Variants in RNF123 observed in about 807,000 individuals in gnomAD.
The protein encoded by RNF123 is ring finger protein 123, also known as E3 ubiquitin-protein ligase RNF123.
Under a neutral mutation model 168.5 loss-of-function variants are expected in RNF123, and 86 were observed. The ratio of observed to expected loss-of-function variants is 0.51; its 90% CI spans 0.43 to 0.61. The LOEUF (loss-of-function observed/expected upper bound fraction) is 0.61. Ranked by LOEUF, RNF123 falls within the 20% of genes least tolerant of loss-of-function variation. The pLI is 0.00. For synonymous variants in RNF123, 666 were observed against 689.1 expected (o/e 0.97, Z 0.52); for missense variants, 1,419 against 1,729.7 (o/e 0.82, Z 3.19).
At chr3:49,719,803 G>T in intron 35 of RNF123, 1 of 267,532 alleles carries the variant, frequency 3.7e-6, no homozygotes, top group Non-Finnish European at 7.6e-6. Flanking sequence ...GGCCCCGCAT[G>T]ACCGCCAGAT....
Position 49,704,685 on chromosome 3 carries a change from C to A in RNF123, c.1888C>A (p.Pro630Thr), listed in dbSNP as rs764329248. Residue 630 changes from proline (P) to threonine (T), a missense_variant, in exon 22 of 39, where the codon CCA becomes ACA. Pro to Thr is a conservative substitution (Grantham distance 38, BLOSUM62 -1). This residue lies in a region of RNF123 where 538 missense variants were observed against 708.8 expected (regional missense o/e 0.76). Coordinates refer to ENST00000327697, the MANE Select transcript of RNF123 (RefSeq NM_022064.5). ...LASKANIVID[P>T]LELQSTAMDD... ...TTCCAAAGCCAACATTGTGATCGAC[C>A]CACTGGAGCTCCAGTCAACCGCCAT... The A allele has an allele frequency of 1.2e-6, 2 of 1,609,256 alleles. No homozygotes were observed. The highest frequency in any genetic ancestry group is 1.7e-5 in the Admixed American group (1 of 59,252).
chr3:49,719,097 C>A (rs1407588207), intron 35 of RNF123: 7 of 1,613,542 alleles, frequency 4.3e-6, no homozygotes, highest in Non-Finnish European at 5.9e-6. Flanking sequence ...GGCGGCCAAG[C>A]GCCCGCAACG....
In RNF123 at chr3:49,700,986, G is replaced by T. The variant is rs562741171; in HGVS notation, c.1277+277G>T. On this transcript the variant is annotated intron_variant, in intron 15 of 38. Coordinates refer to ENST00000327697, the MANE Select transcript of RNF123 (RefSeq NM_022064.5). ...GCCTGCCCTCTTCGGCCACAGCCCA[G>T]CACTTTTGTTCATGTTCCACAGTGG... Among the ~76,000 whole-genome samples, 4 of 152,278 alleles carry T rather than the reference G, an allele frequency of 2.6e-5. No individual in the cohort carries two copies. The South Asian group carries it at 8.3e-4, about 31-fold the overall frequency.
rs2054401261 is a variant in RNF123 at position 49,701,836 on chromosome 3, A to C, written c.1421A>C (p.Glu474Ala). 1 of 1,573,866 alleles carries C rather than the reference A, an allele frequency of 6.4e-7. No individual in the cohort carries two copies. Among genetic ancestry groups the C allele is most frequent in the Non-Finnish European group, 8.6e-7 (1 of 1,159,976 alleles). The part of the protein sequence containing the change: ...REGKESTEMK[E>A]ETAEERLRRR... Reference sequence around the variant, plus strand: ...GGCAAAGAGAGCACGGAGATGAAGGAGGAGACCGCAGAGGAGCGGCTGCGG... The same window carrying C: ...GGCAAAGAGAGCACGGAGATGAAGGCGGAGACCGCAGAGGAGCGGCTGCGG... Residue 474 changes from glutamate to alanine, a missense_variant, in exon 17 of 39, where the codon GAG (glutamate) becomes GCG (alanine). Coordinates refer to ENST00000327697, the MANE Select transcript of RNF123 (RefSeq NM_022064.5).
intron 35 of RNF123, 115 bp from the exon 36 acceptor site, chr3:49,720,396 G>A (rs554660694): frequency 9.4e-7 from 1 of 1,061,548 alleles, no homozygotes; most frequent in Admixed American, 3.0e-5. Flanking sequence ...GAGACGGAAA[G>A]GATGCAGGGG....
intron 3 of RNF123, among the ~76,000 whole-genome samples, chr3:49,692,430 C>T (rs935389049): frequency 6.6e-6 from 1 of 152,172 alleles, no homozygotes; most frequent in African/African-American, 2.4e-5. Flanking sequence ...GCGTAATAAT[C>T]ACATCATGGT....
In RNF123 at chr3:49,706,021, G is replaced by A; in HGVS notation, c.2344G>A (p.Ala782Thr). 3 of 1,614,166 alleles carry A rather than the reference G, an allele frequency of 1.9e-6. No homozygotes were observed. The highest frequency in any genetic ancestry group is 2.5e-6 in the Non-Finnish European group (3 of 1,180,026). ...VSDDVNEYAM[A>T]LRDTEDKLRR... is the part of the protein sequence containing the mutation. ...CGATGATGTCAATGAATACGCTATG[G>A]CTCTGAGGGACACAGAGGACAAGCT... The change falls in exon 25 of 39, where the codon GCT (alanine) becomes ACT (threonine). Residue 782 changes from alanine (A) to threonine (T), a missense_variant. By Grantham distance (58) the Ala-to-Thr change is moderately conservative (BLOSUM62 0). This residue lies in a region of RNF123 where 538 missense variants were observed against 708.8 expected (regional missense o/e 0.76). Coordinates refer to ENST00000327697, the MANE Select transcript of RNF123 (RefSeq NM_022064.5).
chr3:49,700,638 C>A lies in RNF123; in HGVS notation c.1206C>A (p.Ile402=). 6.2e-7 allele frequency: 1 copy of A among 1,614,212 alleles called. No individual in the cohort carries two copies. Among genetic ancestry groups the A allele is most frequent in the South Asian group, 1.1e-5 (1 of 91,082 alleles). The part of the protein sequence containing the change: ...SPIVPDLGLQ[I]HYLRLTIAIL... ...CTCTGAACGCCCCCTCTCCACAGAT[C>A]CATTACCTGCGGCTCACTATCGCCA... Residue 402 remains isoleucine, a splice_region_variant and synonymous_variant, in exon 15 of 39, where the codon ATC becomes ATA. Coordinates refer to ENST00000327697, the MANE Select transcript of RNF123 (RefSeq NM_022064.5).
chr3:49,702,449 C>G, intron 19 of RNF123, 44 bp downstream of exon 19: 1 of 1,606,256 alleles, frequency 6.2e-7, no homozygotes, highest in Non-Finnish European at 8.5e-7. Context: ...CCCGGCTGCA[C>G]TACACATGCC....
intron 26 of RNF123, among the ~76,000 whole-genome samples, chr3:49,709,462 G>A (rs142815730): frequency 0.022 from 3,282 of 152,090 alleles, 123 homozygotes; most frequent in African/African-American, 0.073. Context: ...CACCACGCCC[G>A]GCTAATTTTT....
In RNF123 at chr3:49,705,088, G is replaced by A. The variant is rs758398735; in HGVS notation, c.2064G>A (p.Ala688=). The A allele has an allele frequency of 6.2e-6, 10 of 1,611,804 alleles. No individual in the cohort carries two copies. Among genetic ancestry groups the A allele is most frequent in the East Asian group, 4.5e-5 (2 of 44,814 alleles). The change falls in exon 23 of 39, where the codon GCG becomes GCA. Residue 688 remains alanine, a synonymous_variant. Transcript: ENST00000327697. ...GAGCCAACCGCTTCCTCAGCACAGCGGCTGTGAGCCTCATGACCCCACGGC... is the reference window on the plus strand; with the variant it reads ...GAGCCAACCGCTTCCTCAGCACAGCAGCTGTGAGCCTCATGACCCCACGGC... The part of the protein sequence containing the change: ...LGRANRFLST[A]AVSLMTPRRP...
chr3:49,710,026 C>T (rs910043195), intron 26 of RNF123, among the ~76,000 whole-genome samples: 5 of 151,078 alleles, frequency 3.3e-5, no homozygotes, highest in Non-Finnish European at 5.9e-5. Context: ...TCTTGGTAGA[C>T]GCAGGGTCTC....
chr3:49,691,121 C>T lies in RNF123; in HGVS notation c.-36-9C>T. On this transcript the variant is annotated splice_polypyrimidine_tract_variant and intron_variant, in intron 1 of 38. Coordinates refer to ENST00000327697, the MANE Select transcript of RNF123 (RefSeq NM_022064.5). The stretch of plus-strand genomic sequence containing the variant: ...GGCCCTGAGTAGACAGGCTCTGTGT[C>T]TGGCTCAGCCCCCAGGACCACTGGC... The T allele has an allele frequency of 1.3e-6, 2 of 1,584,298 alleles. No homozygotes were observed. The highest frequency in any genetic ancestry group is 1.1e-5 in the South Asian group (1 of 89,892).
chr3:49,713,087 G>C, intron 27 of RNF123: 1 of 603,094 alleles, frequency 1.7e-6, no homozygotes, highest in Middle Eastern at 3.0e-4. Context: ...TCCGAACCTG[G>C]GCCTCTCAGC....
chr3:49,710,389 TC>T (rs755581841), intron 26 of RNF123, among the ~76,000 whole-genome samples: 2 of 151,750 alleles, frequency 1.3e-5, no homozygotes, highest in Non-Finnish European at 2.9e-5. Context: ...AAGCGATTCT[TC>T]CACCTCGGCC....
chr3:49,696,309 T>C (rs933906072), intron 3 of RNF123, among the ~76,000 whole-genome samples: 2 of 152,156 alleles, frequency 1.3e-5, no homozygotes, highest in African/African-American at 4.8e-5. Flanking sequence ...GTCACTATTC[T>C]GTTTTTACAG....
chr3:49,701,825 G>A lies in RNF123; in HGVS notation c.1410G>A (p.Thr470=), dbSNP rs1175241469. The change falls in exon 17 of 39, where the codon ACG becomes ACA. Residue 470 remains threonine (T), a synonymous_variant. Coordinates refer to ENST00000327697, the MANE Select transcript of RNF123 (RefSeq NM_022064.5). The part of the protein sequence containing the change: ...HCSSREGKES[T]EMKEETAEER... ...CCCCTGCCTAGGGCAAAGAGAGCAC[G>A]GAGATGAAGGAGGAGACCGCAGAGG... The A allele has an allele frequency of 8.3e-6, 13 of 1,572,422 alleles. No individual in the cohort carries two copies. Among genetic ancestry groups the A allele is most frequent in the African/African-American group, 1.3e-5 (1 of 74,578 alleles).
intron 35 of RNF123, chr3:49,718,364 T>C (rs750411107): frequency 6.2e-7 from 1 of 1,613,408 alleles, no homozygotes; most frequent in Non-Finnish European, 8.5e-7. Context: ...ACGCTCACGT[T>C]GTACTCGTGC....
At chr3:49,703,070 G>A (rs557733252) in intron 20 of RNF123, among the ~76,000 whole-genome samples, 1 of 152,206 alleles carries the variant, frequency 6.6e-6, no homozygotes, top group African/African-American at 2.4e-5. Context: ...GGGTGCTGGG[G>A]GGCCCTGTGT....
Sources: allele counts gnomAD v4.1 joint callset (sites outside exome capture counted in the v4.1 genomes callset), GRCh38; gene constraint gnomAD v4.1.1; regional missense constraint gnomAD v4.1.1; transcripts MANE v1.5; gene names NCBI Gene and HGNC (gene_info 2026-07-23, HGNC 2026-07-21).